GRM7: variants seen among roughly 807,000 people sequenced by gnomAD.
The protein encoded by GRM7 is metabotropic glutamate receptor 7.
GRM7 carries 35 observed loss-of-function variants against 84.5 expected under a neutral mutation model. That is an observed-to-expected ratio of 0.41 (90% CI 0.32 to 0.55). GRM7 has a LOEUF of 0.55. Among genes scored for constraint, GRM7 ranks in the 20% least tolerant of loss-of-function variants. GRM7 has a pLI of 0.19. For synonymous variants in GRM7, 487 were observed against 455.1 expected (o/e 1.07, Z -0.89); for missense variants, 1,003 against 1,194.6 (o/e 0.84, Z 2.36).
intron 4 of GRM7, among the ~76,000 whole-genome samples, chr3:7,391,889 A>G (rs549526245): frequency 1.0e-3 from 155 of 152,126 alleles, no homozygotes; most frequent in African/African-American, 3.6e-3. Context: ...TGGAAAAGCA[A>G]ACTCAACCAT....
chr3:6,934,710 G>A (rs188801395), intron 1 of GRM7, among the ~76,000 whole-genome samples: 31 of 152,158 alleles, frequency 2.0e-4, no homozygotes, highest in Non-Finnish European at 4.3e-4. Flanking sequence ...AAATGAGGAC[G>A]GTGGCAGGGC....
In GRM7 at chr3:7,188,861, C is replaced by T. The variant is rs2125103633; in HGVS notation, c.736+42193C>T. 6.6e-6 allele frequency among the ~76,000 whole-genome samples: 1 copy of T among 152,316 alleles called. No homozygotes were observed. Among genetic ancestry groups the T allele is most frequent in the South Asian group, 2.1e-4 (1 of 4,832 alleles). The stretch of plus-strand genomic sequence containing the variant: ...GTGAAGGGAGAGACAGAGTAAAAGA[C>T]ACACCTGCTTCTTAACACCTACGGT... On this transcript the variant is annotated intron_variant, in intron 2 of 9. Transcript: ENST00000357716. The surrounding 1 kb of genome is among the most constrained non-coding windows in gnomAD (Gnocchi z 4.2).
chr3:7,248,770 C>T (rs139073598), intron 2 of GRM7, among the ~76,000 whole-genome samples: 28 of 152,032 alleles, frequency 1.8e-4, no homozygotes, highest in African/African-American at 4.8e-4. Context: ...TCAGATATGC[C>T]GCTTGCAAAT....
At chr3:7,064,257 C>A (rs1257681165) in intron 1 of GRM7, among the ~76,000 whole-genome samples, 1 of 150,100 alleles carries the variant, frequency 6.7e-6, no homozygotes, top group African/African-American at 2.4e-5. Flanking sequence ...CCCCCAAGTC[C>A]CCAAAGTCCA....
intron 8 of GRM7, among the ~76,000 whole-genome samples, chr3:7,639,525 C>G (rs3828427): frequency 0.87 from 132,692 of 152,172 alleles, 58,000 homozygotes; most frequent in African/African-American, 0.94. Context: ...CCATAGATCT[C>G]CTCTATATTA....
chr3:7,132,911 A>G (rs1259522800), intron 1 of GRM7, among the ~76,000 whole-genome samples: 1 of 152,262 alleles, frequency 6.6e-6, no homozygotes, highest in Non-Finnish European at 1.5e-5. Context: ...TGACTATTCA[A>G]TAAACCATAA....
chr3:7,349,720 A>G (rs1365342124), intron 4 of GRM7, among the ~76,000 whole-genome samples: 2 of 152,148 alleles, frequency 1.3e-5, no homozygotes, highest in Non-Finnish European at 2.9e-5. Flanking sequence ...TTTACCAATA[A>G]CAAGATTCAA....
intron 9 of GRM7, among the ~76,000 whole-genome samples, chr3:7,719,869 A>T (rs977171523): frequency 2.0e-5 from 3 of 151,718 alleles, no homozygotes. Context: ...TAAAACAAGG[A>T]CTTCCAGTTG....
rs146871128 is a variant in GRM7 at position 6,935,172 on chromosome 3, G to C, written c.519+73265G>C. On this transcript the variant is annotated intron_variant, in intron 1 of 9. Transcript: ENST00000357716. ...GAGCATTTCATGTAGTAGAATGAAA[G>C]AGAAATTGTTAGGAACAATTAAATG... is the stretch of plus-strand genomic sequence containing the variant. Among the ~76,000 whole-genome samples the C allele has an allele frequency of 6.8e-4, 104 of 152,298 alleles. No homozygotes were observed. In the East Asian group the frequency reaches 0.017, roughly 25 times the overall value.
chr3:7,418,153 A>T (rs73810634), intron 5 of GRM7, among the ~76,000 whole-genome samples: 182 of 152,254 alleles, frequency 1.2e-3, no homozygotes, highest in African/African-American at 4.2e-3. Context: ...AAAGAAAGGG[A>T]TCTTACCGCA....
At chr3:7,239,238 A>G (rs1197567636) in intron 2 of GRM7, among the ~76,000 whole-genome samples, 2 of 151,916 alleles carry the variant, frequency 1.3e-5, no homozygotes, top group East Asian at 3.9e-4. Flanking sequence ...TGGGCTCAAG[A>G]GATTCACTCA....
chr3:7,548,612 T>G (rs1352191840), intron 7 of GRM7, among the ~76,000 whole-genome samples: 4 of 152,150 alleles, frequency 2.6e-5, no homozygotes, highest in Non-Finnish European at 4.4e-5. Flanking sequence ...CTGGGGAGGG[T>G]GGGAAGCAGA....
intron 2 of GRM7, among the ~76,000 whole-genome samples, chr3:7,260,409 A>G (rs988405163): frequency 1.3e-5 from 2 of 152,016 alleles, no homozygotes; most frequent in South Asian, 2.1e-4. Context: ...CAGGGATTCA[A>G]TTTCTTCCAG....
At chr3:7,489,556 G>A (rs34939492) in intron 7 of GRM7, among the ~76,000 whole-genome samples, 38,634 of 152,006 alleles carry the variant, frequency 0.25, 5,631 homozygotes, top group East Asian at 0.59. Flanking sequence ...TATCTGTAAG[G>A]GTGGTGCTTC....
At chr3:7,568,872 GC>G (rs879773338) in intron 7 of GRM7, among the ~76,000 whole-genome samples, 1 of 151,992 alleles carries the variant, frequency 6.6e-6, no homozygotes, top group African/African-American at 2.4e-5. Flanking sequence ...ATGCCTGAGC[GC>G]CCCCCCTCCA....
chr3:7,586,881 C>A (rs988553591), intron 8 of GRM7, among the ~76,000 whole-genome samples: 9 of 151,908 alleles, frequency 5.9e-5, no homozygotes, highest in Admixed American at 2.0e-4. Flanking sequence ...TTAAAAGGCC[C>A]CAGACATAAA....
At chr3:6,912,269 A>T (rs962229870) in intron 1 of GRM7, among the ~76,000 whole-genome samples, 3 of 152,196 alleles carry the variant, frequency 2.0e-5, no homozygotes, top group African/African-American at 7.2e-5. Context: ...GACTTCTAAG[A>T]TGTAGAATGA....
intron 7 of GRM7, among the ~76,000 whole-genome samples, chr3:7,558,831 T>C (rs1314116219): frequency 6.6e-6 from 1 of 152,158 alleles, no homozygotes; most frequent in Non-Finnish European, 1.5e-5. Context: ...ACATGGTAAC[T>C]GTTTTGTTAA....
chr3:6,953,478 C>A (rs557350857), intron 1 of GRM7, among the ~76,000 whole-genome samples: 2 of 152,244 alleles, frequency 1.3e-5, no homozygotes, highest in Non-Finnish European at 2.9e-5. Flanking sequence ...GTCTTTTAAC[C>A]CCTTCTAAAA....
Sources: allele counts gnomAD v4.1 joint callset (sites outside exome capture counted in the v4.1 genomes callset), GRCh38; gene constraint gnomAD v4.1.1; non-coding constraint Gnocchi (gnomAD v3.1); transcripts MANE v1.5; gene names NCBI Gene and HGNC (gene_info 2026-07-23, HGNC 2026-07-21).